The following COL7A1 variants were observed in gnomAD, a reference collection of about 807,000 sequenced individuals.
COL7A1 encodes the protein collagen alpha-1(VII) chain.
COL7A1 carries 296 observed loss-of-function variants against 456.2 expected under a neutral mutation model. That is an observed-to-expected ratio of 0.65 (90% CI 0.59 to 0.71). The LOEUF (loss-of-function observed/expected upper bound fraction) is 0.71. Ranked by LOEUF, COL7A1 falls within the 30% of genes least tolerant of loss-of-function variation. The probability of loss-of-function intolerance (pLI) is 0.00; values close to 1 mark genes in which losing one functional copy is unlikely to be tolerated. For missense variants in COL7A1, 3,441 were observed against 4,017.2 expected (o/e 0.86, Z 3.88); for synonymous variants, 1,464 against 1,525.9 (o/e 0.96, Z 0.95).
In COL7A1 at chr3:48,571,808, A is replaced by G; in HGVS notation, c.7068+193T>C. ...AGGATGGGCACACAGAAGCCAAGAC[A>G]GGGCCCCCAGAGCTCAGAGTGTGGA... On this transcript the variant is annotated intron_variant, in intron 92 of 118. Coordinates refer to ENST00000681320, the MANE Select transcript of COL7A1 (RefSeq NM_000094.4). This position sits in a 1 kb window ranked among gnomAD's most constrained non-coding sequence, Gnocchi z 4.6. 1 of 690,702 alleles carries G rather than the reference A, an allele frequency of 1.4e-6. No homozygotes were observed. The allele number at this position is 690,702 out of a possible 1,614,324, so 42.8% of individuals were successfully genotyped here. A position where few individuals can be genotyped will look rare whatever the true frequency, so the allele number is the denominator to read the frequency against.
rs147462803 is a variant in COL7A1, at chr3:48,566,560, G to T, written c.8308C>A (p.Arg2770=). The change falls in exon 113 of 119, where the codon CGG becomes AGG. Residue 2770 remains arginine (R), a synonymous_variant. Coordinates refer to ENST00000681320, the MANE Select transcript of COL7A1 (RefSeq NM_000094.4). The surrounding 1 kb of genome is among the most constrained non-coding windows in gnomAD (Gnocchi z 5.9). The part of the protein sequence containing the change: ...GAPGERGEQG[R]PGPAGPRGEK... ...CCTCGAGGACCGGCAGGCCCTGGCC[G>T]CCCCTATGTGCAACAGATGGGACCA... The T allele has an allele frequency of 2.4e-5, 38 of 1,613,744 alleles. No homozygotes were observed. The South Asian group carries it at 4.0e-4, about 17-fold the overall frequency.
Position 48,592,018 on chromosome 3 carries a change from C to T in COL7A1, c.1241-4G>A, listed in dbSNP as rs201605314. On this transcript the variant is annotated splice_region_variant and splice_polypyrimidine_tract_variant and intron_variant, in intron 10 of 118. Coordinates refer to ENST00000681320, the MANE Select transcript of COL7A1 (RefSeq NM_000094.4). The surrounding 1 kb of genome is among the most constrained non-coding windows in gnomAD (Gnocchi z 7.6). ...AGGGTCTGCTCAACAGAAGCGTCTG[C>T]CCAGGGCACATGGGATGTCAGTGGC... is the stretch of plus-strand genomic sequence containing the variant. The T allele has an allele frequency of 3.8e-5, 61 of 1,614,198 alleles. No homozygotes were observed. The African/African-American group carries it at 6.4e-4, about 17-fold the overall frequency.
chr3:48,595,208 T>C, intron 1 of COL7A1, 48 bp from the exon 2 acceptor site: 1 of 1,496,870 alleles, frequency 6.7e-7, no homozygotes, highest in Non-Finnish European at 9.1e-7. Context: ...TGTCCCTTGC[T>C]CCCCCGTGGC....
Position 48,591,879 on chromosome 3 carries a change from T to A in COL7A1, c.1357+19A>T. On this transcript the variant is annotated intron_variant, in intron 11 of 118. Coordinates refer to ENST00000681320, the MANE Select transcript of COL7A1 (RefSeq NM_000094.4). This position sits in a 1 kb window ranked among gnomAD's most constrained non-coding sequence, Gnocchi z 7.0. ...CCATGCCCTGACCCTTGCCTGTCCA[T>A]CCCTTCCCCCGCACTGACCAGTCTC... The A allele has an allele frequency of 6.2e-7, 1 of 1,614,064 alleles. No homozygotes were observed. The highest frequency in any genetic ancestry group is 8.5e-7 in the Non-Finnish European group (1 of 1,179,988).
rs2045973562 is a variant in COL7A1 at position 48,594,957 on chromosome 3, G to A, written c.85+118C>T. 14 of 848,292 alleles carry A rather than the reference G, an allele frequency of 1.7e-5. No homozygotes were observed. The highest frequency in any genetic ancestry group is 6.3e-5 in the South Asian group (4 of 63,856). The allele number at this position is 848,292 out of a possible 1,614,324, so 52.5% of individuals were successfully genotyped here. On this transcript the variant is annotated intron_variant, in intron 2 of 118. Transcript: ENST00000681320. The surrounding 1 kb of genome is among the most constrained non-coding windows in gnomAD (Gnocchi z 5.5). ...GGAGTCCCAGAATTAGGAGGAATCC[G>A]CGGGGCGTCGTGGAGTTGGCTGGGT...
chr3:48,593,096 A>T lies in COL7A1; in HGVS notation c.682+6T>A, dbSNP rs2107798250. ...GTCAGGGTACACCGTGTGGGCAGGA[A>T]CTCACGAGGTCGGGTCACAGGCACG... On this transcript the variant is annotated splice_donor_region_variant and intron_variant, in intron 6 of 118. Transcript: ENST00000681320. The surrounding 1 kb of genome is among the most constrained non-coding windows in gnomAD (Gnocchi z 4.4). 2 of 1,613,824 alleles carry T rather than the reference A, an allele frequency of 1.2e-6. No homozygotes were observed. Among genetic ancestry groups the T allele is most frequent in the Non-Finnish European group, 1.7e-6 (2 of 1,179,968 alleles).
chr3:48,585,201 G>A lies in COL7A1; in HGVS notation c.3895-85C>T. On this transcript the variant is annotated intron_variant, in intron 32 of 118. Transcript: ENST00000681320. This position sits in a 1 kb window ranked among gnomAD's most constrained non-coding sequence, Gnocchi z 4.5. The stretch of plus-strand genomic sequence containing the variant: ...GGAGGGGCCTCACCCCATCAACAAG[G>A]GGTCGCCTACCCCACTGACCCCCAA... 1 of 1,376,450 alleles carries A rather than the reference G, an allele frequency of 7.3e-7. No homozygotes were observed. Among genetic ancestry groups the A allele is most frequent in the Non-Finnish European group, 1.0e-6 (1 of 988,024 alleles). The allele number at this position is 1,376,450 out of a possible 1,614,324, so 85.3% of individuals were successfully genotyped here. A position where few individuals can be genotyped will look rare whatever the true frequency, so the allele number is the denominator to read the frequency against.
chr3:48,577,093 C>T, intron 65 of COL7A1, 66 bp from the exon 66 acceptor site: 2 of 1,596,268 alleles, frequency 1.3e-6, no homozygotes, highest in Admixed American at 1.7e-5. Context: ...CACTACCTTG[C>T]TAGATTTCAG....
At chr3:48,584,116 A>C in intron 37 of COL7A1, 55 bp from the exon 38 acceptor site, 2 of 1,613,574 alleles carry the variant, frequency 1.2e-6, no homozygotes, top group Non-Finnish European at 1.7e-6. Flanking sequence ...TCCCAAAGAT[A>C]CCAGGAGTGA....
chr3:48,567,374 GC>G lies in COL7A1; in HGVS notation c.8047-185del, dbSNP rs1369403355. 1.1e-6 allele frequency: 1 copy of G among 921,394 alleles called. No homozygotes were observed. Among genetic ancestry groups the G allele is most frequent in the Non-Finnish European group, 1.7e-6 (1 of 590,250 alleles). 57.1% of individuals were successfully genotyped at this position (921,394 alleles called of 1,614,324 possible). A position where few individuals can be genotyped will look rare whatever the true frequency, so the allele number is the denominator to read the frequency against. On this transcript the variant is annotated intron_variant, in intron 109 of 118. Transcript: ENST00000681320. The surrounding 1 kb of genome is among the most constrained non-coding windows in gnomAD (Gnocchi z 4.3). ...TATAGCCCCCTGCCCTGATGCACAT[GC>G]CCCCTCCACCTCCCATGCTTTCATC...
At position 48,568,906 on chromosome 3, in the gene COL7A1, G is replaced by A; in HGVS notation, c.7687-51C>T. Reference sequence around the variant, plus strand: ...TCAGTCAGGACCAGATCAGGCTGGGGGCTTAGAATACAACGAGCCCGCCAG... The same window carrying A: ...TCAGTCAGGACCAGATCAGGCTGGGAGCTTAGAATACAACGAGCCCGCCAG... On this transcript the variant is annotated intron_variant, in intron 103 of 118. Transcript: ENST00000681320. This position sits in a 1 kb window ranked among gnomAD's most constrained non-coding sequence, Gnocchi z 5.2. 6.5e-7 allele frequency: 1 copy of A among 1,531,102 alleles called. No individual in the cohort carries two copies. The highest frequency in any genetic ancestry group is 1.2e-5 in the South Asian group (1 of 83,860). 94.8% of individuals were successfully genotyped at this position (1,531,102 alleles called of 1,614,324 possible).
rs951750579 is a variant in COL7A1, at chr3:48,593,938, G to C, written c.267-242C>G. 1.3e-5 allele frequency among the ~76,000 whole-genome samples: 2 copies of C among 152,232 alleles called. No homozygotes were observed. Among genetic ancestry groups the C allele is most frequent in the African/African-American group, 4.8e-5 (2 of 41,470 alleles). On this transcript the variant is annotated intron_variant, in intron 3 of 118. Coordinates refer to ENST00000681320, the MANE Select transcript of COL7A1 (RefSeq NM_000094.4). The surrounding 1 kb of genome is among the most constrained non-coding windows in gnomAD (Gnocchi z 4.4). Reference sequence around the variant, plus strand: ...CTGAAGGAGCCCTTAGGGGCTCACAGTCTGTGGGGAACAAGATGCTGCTTA... The same window carrying C: ...CTGAAGGAGCCCTTAGGGGCTCACACTCTGTGGGGAACAAGATGCTGCTTA...
intron 65 of COL7A1, among the ~76,000 whole-genome samples, chr3:48,577,658 T>G (rs1463425960): frequency 6.6e-6 from 1 of 152,208 alleles, no homozygotes; most frequent in Admixed American, 6.5e-5. Flanking sequence ...TCTTAGCACA[T>G]GAGTCTGGGT....
chr3:48,581,966 C>G lies in COL7A1; in HGVS notation c.4636-23G>C, dbSNP rs1413590425. ...TCCCTGAAAACAAACAGGACAGATACAGCTTGGCCCTGCCTTGGGGTTGTA... is the reference window on the plus strand; with the variant it reads ...TCCCTGAAAACAAACAGGACAGATAGAGCTTGGCCCTGCCTTGGGGTTGTA... On this transcript the variant is annotated intron_variant, in intron 47 of 118. Transcript: ENST00000681320. This position sits in a 1 kb window ranked among gnomAD's most constrained non-coding sequence, Gnocchi z 5.8. The G allele has an allele frequency of 6.2e-7, 1 of 1,614,000 alleles. No individual in the cohort carries two copies. Among genetic ancestry groups the G allele is most frequent in the East Asian group, 2.2e-5 (1 of 44,876 alleles).
Position 48,565,130 on chromosome 3 carries a change from C to G in COL7A1, c.8599G>C (p.Glu2867Gln). Residue 2867 changes from glutamate (E) to glutamine (Q), a missense_variant, in exon 117 of 119, where the codon GAA becomes CAA. By Grantham distance (29) the Glu-to-Gln change is conservative (BLOSUM62 2). This residue lies in a region of COL7A1 where 2,084 missense variants were observed against 2,501.3 expected (regional missense o/e 0.83). Coordinates refer to ENST00000681320, the MANE Select transcript of COL7A1 (RefSeq NM_000094.4). This position sits in a 1 kb window ranked among gnomAD's most constrained non-coding sequence, Gnocchi z 4.5. ...TCACCATCACTATCCCAAGGAGCTTCAGGGTCCTGGTACTCCTCCACAGAA... is the reference window on the plus strand; with the variant it reads ...TCACCATCACTATCCCAAGGAGCTTGAGGGTCCTGGTACTCCTCCACAGAA... ...EYSVEEYQDP[E>Q]APWDSDDPCS... is the part of the protein sequence containing the mutation. 2 of 1,614,160 alleles carry G rather than the reference C, an allele frequency of 1.2e-6. No individual in the cohort carries two copies. Among genetic ancestry groups the G allele is most frequent in the South Asian group, 2.2e-5 (2 of 91,080 alleles).
In COL7A1 at chr3:48,585,875, G is replaced by T. The variant is rs1320285510; in HGVS notation, c.3760-19C>A. The T allele has an allele frequency of 6.2e-7, 1 of 1,614,142 alleles. No individual in the cohort carries two copies. Among genetic ancestry groups the T allele is most frequent in the South Asian group, 1.1e-5 (1 of 91,090 alleles). On this transcript the variant is annotated intron_variant, in intron 29 of 118. Transcript: ENST00000681320. The surrounding 1 kb of genome is among the most constrained non-coding windows in gnomAD (Gnocchi z 4.5). ...TCTGGCCCTGGGGAAAGACATGTCA[G>T]ATGTGGGTCAGAGTGGCTAGCCCCA...
Position 48,591,482 on chromosome 3 carries a change from T to C in COL7A1, c.1618A>G (p.Ile540Val). The change falls in exon 13 of 119, where the codon ATT becomes GTT. Residue 540 changes from isoleucine to valine, a missense_variant. Physicochemically the swap from Ile to Val is conservative, Grantham distance 29. Around this residue, in one of 3 missense-constraint regions of COL7A1, gnomAD observed 913 missense variants for 1,088.2 expected, o/e 0.84. Coordinates refer to ENST00000681320, the MANE Select transcript of COL7A1 (RefSeq NM_000094.4). This position sits in a 1 kb window ranked among gnomAD's most constrained non-coding sequence, Gnocchi z 7.0. ...ACCTCACCCTGGGTGCTGCGCACAATGATGCGGTACTGGGTGGCACCAGGG... is the reference window on the plus strand; with the variant it reads ...ACCTCACCCTGGGTGCTGCGCACAACGATGCGGTACTGGGTGGCACCAGGG... ...PVPGATQYRI[I>V]VRSTQGVERT... The C allele has an allele frequency of 6.2e-7, 1 of 1,613,898 alleles. No individual in the cohort carries two copies. The highest frequency in any genetic ancestry group is 1.3e-5 in the African/African-American group (1 of 74,992).
Position 48,572,079 on chromosome 3 carries a change from T to C in COL7A1, c.7024-34A>G. The stretch of plus-strand genomic sequence containing the variant: ...AATGGCAGGTGAGGGGTGTCTGGAC[T>C]GAGCCTTCTCTGCTCAGTAGTCAGG... On this transcript the variant is annotated intron_variant, in intron 91 of 118. Coordinates refer to ENST00000681320, the MANE Select transcript of COL7A1 (RefSeq NM_000094.4). The surrounding 1 kb of genome is among the most constrained non-coding windows in gnomAD (Gnocchi z 4.6). 6.2e-7 allele frequency: 1 copy of C among 1,613,348 alleles called. No individual in the cohort carries two copies.
rs1335562499 is a variant in COL7A1 at position 48,566,228 on chromosome 3, TG to T, written c.8407+38del. ...GCCTGCCTGCCCTTGCCTAGGGTGCTGGGGTGGAGTGGGAGACTGCGGGCTG... is the reference window on the plus strand; with the variant it reads ...GCCTGCCTGCCCTTGCCTAGGGTGCTGGGTGGAGTGGGAGACTGCGGGCTG... On this transcript the variant is annotated intron_variant, in intron 114 of 118. Coordinates refer to ENST00000681320, the MANE Select transcript of COL7A1 (RefSeq NM_000094.4). This position sits in a 1 kb window ranked among gnomAD's most constrained non-coding sequence, Gnocchi z 5.9. The T allele has an allele frequency of 1.3e-6, 2 of 1,581,938 alleles. No homozygotes were observed. Among genetic ancestry groups the T allele is most frequent in the African/African-American group, 1.3e-5 (1 of 74,584 alleles).
Sources: gnomAD v4.1 joint callset for allele counts (sites outside exome capture counted in the v4.1 genomes callset) on GRCh38, gnomAD v4.1.1 for gene constraint, gnomAD v4.1.1 regional missense constraint, Gnocchi (gnomAD v3.1) non-coding constraint, MANE v1.5 for transcripts, NCBI Gene and HGNC (gene_info 2026-07-23, HGNC 2026-07-21) for gene names.